MYBL2: variants seen among roughly 807,000 people sequenced by gnomAD.
The protein encoded by MYBL2 is myb-related protein B.
MYBL2 carries 28 observed loss-of-function variants against 79.9 expected under a neutral mutation model. The observed-to-expected ratio is 0.35, with a 90% CI of 0.26 to 0.48. The LOEUF is 0.48. MYBL2 is among the 20% of genes least tolerant of loss of function. The pLI is 0.99. For synonymous variants in MYBL2, 378 were observed against 361.2 expected (o/e 1.05, Z -0.53); for missense variants, 735 against 893.9 (o/e 0.82, Z 2.27).
intron 9 of MYBL2, among the ~76,000 whole-genome samples, chr20:43,708,635 G>A (rs1987841095): frequency 6.6e-6 from 1 of 152,060 alleles, no homozygotes; most frequent in East Asian, 1.9e-4. Flanking sequence ...GTGTTACCCA[G>A]ACTGTTCTTT....
At chr20:43,688,042 A>G (rs1030974697) in intron 5 of MYBL2, among the ~76,000 whole-genome samples, 1 of 150,428 alleles carries the variant, frequency 6.6e-6, no homozygotes, top group Admixed American at 6.7e-5. Context: ...TTTTTCCCCT[A>G]AATACTGAAA....
At position 43,696,333 on chromosome 20, in the gene MYBL2, C is replaced by T. The variant is rs190033633; in HGVS notation, c.664-3424C>T. Among the ~76,000 whole-genome samples the T allele has an allele frequency of 2.0e-4, 31 of 152,000 alleles. No homozygotes were observed. The East Asian group carries it at 5.3e-3, about 26-fold the overall frequency. ...TTGGCTCACCGCAACCTCCGCCTCCCGGGTTCAAGCGATTCTCCTGCCTCA... is the reference window on the plus strand; with the variant it reads ...TTGGCTCACCGCAACCTCCGCCTCCTGGGTTCAAGCGATTCTCCTGCCTCA... On this transcript the variant is annotated intron_variant, in intron 6 of 13. Transcript: ENST00000217026.
intron 5 of MYBL2, among the ~76,000 whole-genome samples, chr20:43,688,830 C>T (rs1315410256): frequency 2.6e-5 from 4 of 151,864 alleles, no homozygotes. Flanking sequence ...GCTCTTATCA[C>T]CCAGGCTGGA....
At position 43,677,715 on chromosome 20, in the gene MYBL2, G is replaced by A. The variant is rs1478295252; in HGVS notation, c.114+3816G>A. ...AGCCCCCTGCCTGGCCAGCCACCCCGTCCGGGAGGTGAGGGGCGCCTCTGC... is the reference window on the plus strand; with the variant it reads ...AGCCCCCTGCCTGGCCAGCCACCCCATCCGGGAGGTGAGGGGCGCCTCTGC... On this transcript the variant is annotated intron_variant, in intron 2 of 13. Transcript: ENST00000217026. Among the ~76,000 whole-genome samples, 4 of 151,812 alleles carry A rather than the reference G, an allele frequency of 2.6e-5. No homozygotes were observed. In the South Asian group the frequency reaches 6.3e-4, roughly 24 times the overall value.
chr20:43,702,826 C>CTG lies in MYBL2; in HGVS notation c.1290_1291dup (p.Ser431CysfsTer28). ...CCCTGTCACTGAGAATAGCACCAGT[C>CTG]TGTCCTTCCTGGATTCCTGTAACAG... On this transcript the variant is annotated frameshift_variant, in exon 8 of 14. Transcript: ENST00000217026. LOFTEE classifies it high-confidence loss of function. 6.2e-7 allele frequency: 1 copy of CTG among 1,613,818 alleles called. No homozygotes were observed.
At chr20:43,690,699 A>G (rs911279719) in intron 5 of MYBL2, among the ~76,000 whole-genome samples, 4 of 152,110 alleles carry the variant, frequency 2.6e-5, no homozygotes, top group African/African-American at 9.7e-5. Flanking sequence ...AGGAAAGAGT[A>G]TTCTGCTTGG....
intron 2 of MYBL2, 120 bp from the exon 3 acceptor site, chr20:43,681,664 A>T: frequency 9.9e-7 from 1 of 1,009,818 alleles, no homozygotes; most frequent in Non-Finnish European, 1.5e-6. Flanking sequence ...CCTTGTACGT[A>T]TTCACTTCAT....
intron 8 of MYBL2, among the ~76,000 whole-genome samples, chr20:43,703,737 G>T (rs911754896): frequency 1.3e-5 from 2 of 152,136 alleles, no homozygotes; most frequent in Non-Finnish European, 2.9e-5. Context: ...AGGCCACCCT[G>T]TCATCACGGG....
rs1987336605 is a variant in MYBL2 at position 43,688,735 on chromosome 20, A to G, written c.500+1663A>G. On this transcript the variant is annotated intron_variant, in intron 5 of 13. Transcript: ENST00000217026. ...TGGGATTACAGGCATGAGCCACCACACCTGGCCTGGCACCCTATTCTTATT... is the reference window on the plus strand; with the variant it reads ...TGGGATTACAGGCATGAGCCACCACGCCTGGCCTGGCACCCTATTCTTATT... Among the ~76,000 whole-genome samples the G allele has an allele frequency of 2.0e-5, 3 of 152,002 alleles. No individual in the cohort carries two copies. The South Asian group carries it at 6.2e-4, about 32-fold the overall frequency.
At chr20:43,676,930 A>G (rs1987024405) in intron 2 of MYBL2, among the ~76,000 whole-genome samples, 1 of 151,720 alleles carries the variant, frequency 6.6e-6, no homozygotes, top group Non-Finnish European at 1.5e-5. Context: ...TTGTTTTTAA[A>G]TAGAGAAGAG....
chr20:43,674,214 A>C, intron 2 of MYBL2, among the ~76,000 whole-genome samples: 1 of 135,330 alleles, frequency 7.4e-6, no homozygotes, highest in East Asian at 2.2e-4. Context: ...GGTTTGGCCA[A>C]ATCTGTAACT....
intron 2 of MYBL2, among the ~76,000 whole-genome samples, chr20:43,674,235 T>C (rs141629187): frequency 0.17 from 2,964 of 17,454 alleles, 243 homozygotes; most frequent in African/African-American, 0.23. Context: ...CCCCCCACCC[T>C]TTTTTTTTTT....
At chr20:43,710,759 A>T (rs1296503540) in intron 10 of MYBL2, among the ~76,000 whole-genome samples, 1 of 152,054 alleles carries the variant, frequency 6.6e-6, no homozygotes, top group Non-Finnish European at 1.5e-5. Context: ...CCTGCCATGG[A>T]ACTGATTCTG....
In MYBL2 at chr20:43,711,615, G is replaced by A; in HGVS notation, c.1719+14G>A. ...AGGAAGCCTGGGGTGAGTAGGGTAG[G>A]GGTGGGAGAGCCTGGGCAGGGGGAA... On this transcript the variant is annotated intron_variant, in intron 11 of 13. Transcript: ENST00000217026. The A allele has an allele frequency of 6.2e-7, 1 of 1,604,218 alleles. No individual in the cohort carries two copies. Among genetic ancestry groups the A allele is most frequent in the African/African-American group, 1.3e-5 (1 of 74,812 alleles).
chr20:43,697,641 C>G (rs1021688027), intron 6 of MYBL2, among the ~76,000 whole-genome samples: 1 of 150,156 alleles, frequency 6.7e-6, no homozygotes, highest in Admixed American at 6.6e-5. Context: ...CAATGGCTCA[C>G]GCCTGTAATC....
intron 5 of MYBL2, among the ~76,000 whole-genome samples, chr20:43,687,980 C>T (rs561455740): frequency 1.1e-4 from 17 of 149,152 alleles, no homozygotes; most frequent in Admixed American, 3.4e-4. Context: ...TCACTGCACT[C>T]CAGCCTGGGC....
At chr20:43,697,678 C>T (rs1035732833) in intron 6 of MYBL2, among the ~76,000 whole-genome samples, 71 of 151,986 alleles carry the variant, frequency 4.7e-4, no homozygotes, top group African/African-American at 1.9e-4. Context: ...CTGAGGCAGG[C>T]GGATCACGAG....
At chr20:43,690,421 G>A (rs981638701) in intron 5 of MYBL2, among the ~76,000 whole-genome samples, 8 of 152,108 alleles carry the variant, frequency 5.3e-5, no homozygotes, top group Admixed American at 3.9e-4. Context: ...GGCCAGGCTG[G>A]TGTTGAACTC....
chr20:43,703,167 T>C (rs938314522), intron 8 of MYBL2, among the ~76,000 whole-genome samples: 2 of 152,070 alleles, frequency 1.3e-5, no homozygotes, highest in Non-Finnish European at 2.9e-5. Context: ...AACTGGGTAA[T>C]GAAGGAGAGG....
Sources: gnomAD v4.1 joint callset for allele counts (sites outside exome capture counted in the v4.1 genomes callset) on GRCh38, gnomAD v4.1.1 for gene constraint, MANE v1.5 for transcripts, NCBI Gene and HGNC (gene_info 2026-07-23, HGNC 2026-07-21) for gene names.